RNF20: variants seen among roughly 807,000 people sequenced by gnomAD.
RNF20 encodes the protein E3 ubiquitin-protein ligase BRE1A.
A neutral mutation model predicts 126.2 loss-of-function variants in RNF20; 84 were observed. The ratio of observed to expected loss-of-function variants is 0.67; its 90% confidence interval spans 0.56 to 0.80. The LOEUF is 0.80. RNF20 is among the 30% of genes least tolerant of loss of function. The pLI is 0.00. For missense variants in RNF20, 869 were observed against 1,188.2 expected, an observed-to-expected ratio of 0.73 and a Z score of 3.95; for synonymous variants, 400 against 414.3, an observed-to-expected ratio of 0.97 and a Z score of 0.42.
chr9:101,540,905 C>T lies in RNF20; in HGVS notation c.558C>T (p.Ser186=). The change falls in exon 5 of 20, where the codon TCC becomes TCT. Residue 186 remains serine (S), a synonymous_variant. Coordinates refer to ENST00000389120, the MANE Select transcript of RNF20 (RefSeq NM_019592.7). The stretch of plus-strand genomic sequence containing the variant: ...TGGAGTCTTCCCGCCGAGCCGTGTC[C>T]CAGATTGTGACTGTTTATGATAAAT... ...ERVESSRRAV[S]QIVTVYDKLQ... is the part of the protein sequence containing the mutation. 6.2e-7 allele frequency: 1 copy of T among 1,613,826 alleles called. No individual in the cohort carries two copies. The highest frequency in any genetic ancestry group is 1.1e-5 in the South Asian group (1 of 91,058).
At chr9:101,548,573 A>G (rs187622516) in intron 9 of RNF20, among the ~76,000 whole-genome samples, 179 of 152,326 alleles carry the variant, frequency 1.2e-3, no homozygotes, top group African/African-American at 4.2e-3. Context: ...CACATTGTAT[A>G]CCTTAAATAT....
intron 15 of RNF20, among the ~76,000 whole-genome samples, chr9:101,555,974 G>C (rs908796862): frequency 6.6e-6 from 1 of 150,558 alleles, no homozygotes; most frequent in Non-Finnish European, 1.5e-5. Context: ...AAAAAAAAGT[G>C]TAATTTTGAC....
In RNF20 at chr9:101,557,867, G is replaced by A. The variant is rs146595816; in HGVS notation, c.2382+271G>A. ...TGACGTGTTTTGTTATCCTTTTTGCGTTAAAGTATATGTTTACTTGTGTTC... is the reference window on the plus strand; with the variant it reads ...TGACGTGTTTTGTTATCCTTTTTGCATTAAAGTATATGTTTACTTGTGTTC... On this transcript the variant is annotated intron_variant, in intron 16 of 19. Transcript: ENST00000389120. Among the ~76,000 whole-genome samples, 1,101 of 152,118 alleles carry A rather than the reference G, an allele frequency of 7.2e-3. 17 individuals are homozygous for A. The highest frequency in any genetic ancestry group is 0.025 in the African/African-American group (1,021 of 41,488).
chr9:101,547,263 T>C (rs1827366397), intron 8 of RNF20, 49 bp downstream of exon 8: 1 of 1,605,372 alleles, frequency 6.2e-7, no homozygotes, highest in Non-Finnish European at 8.5e-7. Context: ...TCAGCTTTCA[T>C]GCTTAGGTAC....
intron 9 of RNF20, among the ~76,000 whole-genome samples, chr9:101,550,372 T>C (rs538680861): frequency 6.6e-6 from 1 of 152,312 alleles, no homozygotes; most frequent in African/African-American, 2.4e-5. Flanking sequence ...AAAACACATA[T>C]CAAAACAATT....
intron 9 of RNF20, among the ~76,000 whole-genome samples, chr9:101,548,528 TA>T (rs1448967861): frequency 1.3e-5 from 2 of 152,206 alleles, no homozygotes; most frequent in African/African-American, 4.8e-5. Flanking sequence ...TGGATTGTGG[TA>T]ATGATTTCAC....
At position 101,554,023 on chromosome 9, in the gene RNF20, T is replaced by G; in HGVS notation, c.1937T>G (p.Leu646Trp). The stretch of plus-strand genomic sequence containing the variant: ...GAGAGCCAAAAGGAGATGAAACTAT[T>G]GCTGGATATGTACCGTTCTGCCCCA... ...AQESQKEMKL[L>W]LDMYRSAPKE... The change falls in exon 14 of 20, where the codon TTG becomes TGG. Residue 646 changes from leucine (L) to tryptophan (W), a missense_variant. Leu to Trp is a moderately conservative substitution (Grantham distance 61). Transcript: ENST00000389120. 6.2e-7 allele frequency: 1 copy of G among 1,613,562 alleles called. No individual in the cohort carries two copies. The highest frequency in any genetic ancestry group is 1.1e-5 in the South Asian group (1 of 91,036).
intron 2 of RNF20, among the ~76,000 whole-genome samples, chr9:101,538,386 A>G (rs760952079): frequency 1.3e-5 from 2 of 152,120 alleles, no homozygotes; most frequent in Admixed American, 6.6e-5. Flanking sequence ...ATGTGAGGAA[A>G]CGACGTGGGC....
chr9:101,562,079 T>G (rs1193476311), intron 19 of RNF20, 68 bp downstream of exon 19: 1 of 1,336,806 alleles, frequency 7.5e-7, no homozygotes, highest in African/African-American at 1.5e-5. Context: ...ACTGGGAGAA[T>G]AATTTGCATG....
intron 2 of RNF20, among the ~76,000 whole-genome samples, chr9:101,536,472 T>G (rs1827186604): frequency 6.6e-6 from 1 of 152,012 alleles, no homozygotes; most frequent in Admixed American, 6.6e-5. Flanking sequence ...ACATTCATAG[T>G]GAGTTGTTGA....
At position 101,537,959 on chromosome 9, in the gene RNF20, A is replaced by C. The variant is rs1360784525; in HGVS notation, c.130-2244A>C. ...AAGAGAGTAGAGACAATGCTTTATA[A>C]AGGAGTATCGCTGTAAAGTAGATGA... On this transcript the variant is annotated intron_variant, in intron 2 of 19. Transcript: ENST00000389120. Among the ~76,000 whole-genome samples, 16 of 152,334 alleles carry C rather than the reference A, an allele frequency of 1.1e-4. No individual in the cohort carries two copies. The East Asian group carries it at 2.9e-3, about 28-fold the overall frequency.
intron 15 of RNF20, among the ~76,000 whole-genome samples, chr9:101,555,506 A>T (rs1173327683): frequency 6.6e-6 from 1 of 152,086 alleles, no homozygotes; most frequent in Non-Finnish European, 1.5e-5. Context: ...GCTTGAAAAA[A>T]CCATATATGT....
intron 7 of RNF20, 42 bp from the exon 8 acceptor site, chr9:101,547,095 T>C (rs773913041): frequency 2.5e-6 from 4 of 1,606,906 alleles, no homozygotes; most frequent in Admixed American, 3.3e-5. Flanking sequence ...TAGACTGAAA[T>C]CTTAAGAGTC....
chr9:101,562,648 A>T lies in RNF20; in HGVS notation c.*226A>T. On this transcript the variant is annotated 3_prime_UTR_variant, in exon 20 of 20. Transcript: ENST00000389120. ...TTTCAGAATGAATTAGAAACAAATA[A>T]CTCTTACTGTCTTCCCTCCCAGCTT... The T allele has an allele frequency of 2.4e-6, 1 of 417,170 alleles. No homozygotes were observed. Among genetic ancestry groups the T allele is most frequent in the South Asian group, 6.6e-5 (1 of 15,126 alleles). 25.8% of individuals were successfully genotyped at this position (417,170 alleles called of 1,614,324 possible).
chr9:101,554,814 C>G lies in RNF20; in HGVS notation c.2140C>G (p.Leu714Val). 6.7e-7 allele frequency: 1 copy of G among 1,494,964 alleles called. No homozygotes were observed. Among genetic ancestry groups the G allele is most frequent in the East Asian group, 2.4e-5 (1 of 41,638 alleles). The allele number at this position is 1,494,964 out of a possible 1,614,324, so 92.6% of individuals were successfully genotyped here. ...IRAVEEQIEY[L>V]QKKLAMAKQE... ...GGCAGTGGAGGAGCAGATAGAATACCTACAGAAGAAGCTAGCCATGGCCAA... is the reference window on the plus strand; with the variant it reads ...GGCAGTGGAGGAGCAGATAGAATACGTACAGAAGAAGCTAGCCATGGCCAA... The change falls in exon 15 of 20, where the codon CTA (leucine) becomes GTA (valine). Residue 714 changes from leucine (L) to valine (V), a missense_variant. Transcript: ENST00000389120.
intron 16 of RNF20, among the ~76,000 whole-genome samples, chr9:101,558,825 AT>A (rs1273866831): frequency 6.6e-6 from 1 of 151,852 alleles, no homozygotes; most frequent in Non-Finnish European, 1.5e-5. Context: ...GGATGTATAG[AT>A]TTTTTTCTCC....
At position 101,540,570 on chromosome 9, in the gene RNF20, C is replaced by T; in HGVS notation, c.378C>T (p.Ala126=). 1 of 1,614,014 alleles carries T rather than the reference C, an allele frequency of 6.2e-7. No homozygotes were observed. Among genetic ancestry groups the T allele is most frequent in the Middle Eastern group, 1.6e-4 (1 of 6,062 alleles). The change falls in exon 4 of 20, where the codon GCC becomes GCT. Residue 126 remains alanine, a synonymous_variant. Transcript: ENST00000389120. ...GAGACCTACTCACAGAACGAAAAGC[C>T]CTTGTTGTGCCTGAACCAGAACCAG... ...GLGDLLTERK[A]LVVPEPEPDS...
rs185475550 is a variant in RNF20 at position 101,550,893 on chromosome 9, T to C, written c.1272+108T>C. ...CTCTCATTCATTCAGCTGTCATTCA[T>C]AGAGTGGCAGTAGGTCTTTACTCTG... On this transcript the variant is annotated intron_variant, in intron 10 of 19. Coordinates refer to ENST00000389120, the MANE Select transcript of RNF20 (RefSeq NM_019592.7). 3.8e-5 allele frequency: 39 copies of C among 1,029,672 alleles called. No homozygotes were observed. In the Admixed American group the frequency reaches 4.7e-4, roughly 12 times the overall value. The allele number at this position is 1,029,672 out of a possible 1,614,324, so 63.8% of individuals were successfully genotyped here. A position where few individuals can be genotyped will look rare whatever the true frequency, so the allele number is the denominator to read the frequency against.
chr9:101,541,122 A>G, intron 5 of RNF20, 147 bp downstream of exon 5: 1 of 546,282 alleles, frequency 1.8e-6, no homozygotes. Context: ...TGTGTCACCC[A>G]GGCTGGAACA....
Sources: allele counts gnomAD v4.1 joint callset (sites outside exome capture counted in the v4.1 genomes callset), GRCh38; gene constraint gnomAD v4.1.1; transcripts MANE v1.5; gene names NCBI Gene and HGNC (gene_info 2026-07-23, HGNC 2026-07-21).